SHANK2: variants seen among roughly 807,000 people sequenced by gnomAD.
SHANK2 encodes SH3 and multiple ankyrin repeat domains 2.
SHANK2 carries 43 observed loss-of-function variants against 133.7 expected under a neutral mutation model. The observed-to-expected ratio is 0.32, with a 90% CI of 0.25 to 0.41. The LOEUF (loss-of-function observed/expected upper bound fraction) is 0.41, where lower values mean the gene tolerates loss of function less well. Ranked by LOEUF, SHANK2 falls within the 10% of genes least tolerant of loss-of-function variation. The pLI is 1.00. For synonymous variants in SHANK2, 1,017 were observed against 952.8 expected, an observed-to-expected ratio of 1.07 and a Z score of -1.24; for missense variants, 1,994 against 2,235.8, an observed-to-expected ratio of 0.89 and a Z score of 2.18.
At chr11:70,714,874 T>C (rs1034140570) in intron 14 of SHANK2, among the ~76,000 whole-genome samples, 2 of 152,012 alleles carry the variant, frequency 1.3e-5, no homozygotes, top group African/African-American at 2.4e-5. Flanking sequence ...AGTGCAATCA[T>C]AGCTCACTGC....
chr11:70,787,740 C>A (rs1244308661), intron 14 of SHANK2, among the ~76,000 whole-genome samples: 4 of 152,188 alleles, frequency 2.6e-5, no homozygotes, highest in African/African-American at 9.6e-5. Context: ...GTCCCTGACT[C>A]CAAGGCCACA....
intron 9 of SHANK2, among the ~76,000 whole-genome samples, chr11:71,066,614 C>T (rs1951067060): frequency 6.6e-6 from 1 of 152,188 alleles, no homozygotes; most frequent in Non-Finnish European, 1.5e-5. Context: ...GGCACTGAGG[C>T]TGTCTTCACT....
intron 11 of SHANK2, among the ~76,000 whole-genome samples, chr11:70,847,707 G>C (rs1476912289): frequency 6.6e-6 from 1 of 152,182 alleles, no homozygotes; most frequent in Admixed American, 6.5e-5. Context: ...CACAAGCAGA[G>C]TCTACCACGC....
intron 17 of SHANK2, among the ~76,000 whole-genome samples, chr11:70,523,059 C>T (rs191971402): frequency 2.0e-5 from 3 of 152,322 alleles, no homozygotes; most frequent in East Asian, 1.9e-4. Context: ...CCCACAGGCC[C>T]ACACCTGCAA....
intron 14 of SHANK2, among the ~76,000 whole-genome samples, chr11:70,720,393 A>G (rs1946050017): frequency 6.6e-6 from 1 of 152,228 alleles, no homozygotes; most frequent in African/African-American, 2.4e-5. Context: ...CTGCTCCCTG[A>G]TGCCATGGGT....
At position 71,175,563 on chromosome 11, in the gene SHANK2, A is replaced by G. The variant is rs868944174; in HGVS notation, c.-12-28225T>C. On this transcript the variant is annotated intron_variant, in intron 2 of 25. Transcript: ENST00000601538. The surrounding 1 kb of genome is among the most constrained non-coding windows in gnomAD (Gnocchi z 4.2). ...GGGAGAGGGAGAGGGAGAGAGAGAG[A>G]GAGAGAGAGAGAGAGAGAGAGAGAG... is the stretch of plus-strand genomic sequence containing the variant. Among the ~76,000 whole-genome samples, 17 of 86,124 alleles carry G rather than the reference A, an allele frequency of 2.0e-4. No homozygotes were observed. The highest frequency in any genetic ancestry group is 4.5e-4 in the South Asian group (1 of 2,198). The allele number at this position is 86,124 out of a possible 152,430, so 56.5% of individuals were successfully genotyped here. A position where few individuals can be genotyped will look rare whatever the true frequency, so the allele number is the denominator to read the frequency against.
intron 12 of SHANK2, among the ~76,000 whole-genome samples, chr11:70,811,907 T>C (rs782320601): frequency 5.9e-5 from 9 of 152,216 alleles, no homozygotes; most frequent in Non-Finnish European, 1.2e-4. Context: ...TACCCAAAGT[T>C]CAGAAAGATC....
chr11:71,165,037 A>G (rs536762147), intron 2 of SHANK2, among the ~76,000 whole-genome samples: 2 of 143,104 alleles, frequency 1.4e-5, no homozygotes, highest in South Asian at 2.2e-4. Flanking sequence ...TCTTGTCTTC[A>G]TTTTTTTTTT....
At chr11:70,718,994 T>G (rs1946015633) in intron 14 of SHANK2, among the ~76,000 whole-genome samples, 1 of 152,138 alleles carries the variant, frequency 6.6e-6, no homozygotes, top group African/African-American at 2.4e-5. Context: ...ATCAGGGTCA[T>G]GAGAATACAA....
intron 17 of SHANK2, among the ~76,000 whole-genome samples, chr11:70,617,456 G>C (rs1215678639): frequency 6.6e-6 from 1 of 151,138 alleles, no homozygotes; most frequent in Non-Finnish European, 1.5e-5. Context: ...AAAGAAACGC[G>C]AGGAACGGAG....
chr11:70,696,279 C>T (rs952475247), intron 15 of SHANK2, among the ~76,000 whole-genome samples: 2 of 152,188 alleles, frequency 1.3e-5, no homozygotes, highest in African/African-American at 2.4e-5. Flanking sequence ...CTGCTGTTAG[C>T]CATGTGTCAC....
Position 70,807,050 on chromosome 11 carries a change from G to T in SHANK2, c.1615C>A (p.Pro539Thr). The T allele has an allele frequency of 1.4e-6, 1 of 718,194 alleles. No homozygotes were observed. Among genetic ancestry groups the T allele is most frequent in the Non-Finnish European group, 2.6e-6 (1 of 385,014 alleles). 44.5% of individuals were successfully genotyped at this position (718,194 alleles called of 1,614,324 possible). The change falls in exon 13 of 26, where the codon CCC becomes ACC. Residue 539 changes from proline (P) to threonine (T), a missense_variant. This residue lies in a region of SHANK2 where 653 missense variants were observed against 563.4 expected (regional missense o/e 1.16). Transcript: ENST00000601538. The surrounding 1 kb of genome is among the most constrained non-coding windows in gnomAD (Gnocchi z 4.8). ...RLFVAVKPYQPQVDGEIPLHR... is the reference protein window; with the variant it reads ...RLFVAVKPYQTQVDGEIPLHR... ...AGGGGGATCTCGCCGTCCACTTGGG[G>T]TTGGTATGGCTTGACAGCGACGAAG...
At chr11:71,212,817 T>G (rs2135696401) in intron 2 of SHANK2, among the ~76,000 whole-genome samples, 1 of 152,224 alleles carries the variant, frequency 6.6e-6, no homozygotes, top group South Asian at 2.1e-4. Context: ...GAGGTTTCTT[T>G]CCCCATTTCC....
chr11:70,758,547 C>T (rs1946922605), intron 14 of SHANK2, among the ~76,000 whole-genome samples: 1 of 152,222 alleles, frequency 6.6e-6, no homozygotes, highest in Non-Finnish European at 1.5e-5. Flanking sequence ...ACACTGACTG[C>T]ATGGCCCAGG....
Position 70,487,042 on chromosome 11 carries a change from C to G in SHANK2, c.3251G>C (p.Gly1084Ala). The change falls in exon 25 of 26, where the codon GGA becomes GCA. Residue 1084 changes from glycine (G) to alanine (A), a missense_variant. By Grantham distance (60) the Gly-to-Ala change is moderately conservative. Coordinates refer to ENST00000601538, the MANE Select transcript of SHANK2 (RefSeq NM_012309.5). The surrounding 1 kb of genome is among the most constrained non-coding windows in gnomAD (Gnocchi z 5.8). ...VSSPFAAAIA[G>A]AVRDREKRLE... ...CCGCTTCTCACGGTCGCGGACGGCT[C>G]CGGCGATGGCGGCGGCAAAGGGGCT... 6.2e-7 allele frequency: 1 copy of G among 1,608,920 alleles called. No individual in the cohort carries two copies.
rs74413870 is a variant in SHANK2, at chr11:70,546,126, T to TG, written c.2062-43196dup. Among the ~76,000 whole-genome samples, 140 of 142,826 alleles carry TG rather than the reference T, an allele frequency of 9.8e-4. 2 individuals are homozygous for TG. The highest frequency in any genetic ancestry group is 3.5e-3 in the African/African-American group (129 of 36,946). The allele number at this position is 142,826 out of a possible 152,430, so 93.7% of individuals were successfully genotyped here. On this transcript the variant is annotated intron_variant, in intron 17 of 25. Coordinates refer to ENST00000601538, the MANE Select transcript of SHANK2 (RefSeq NM_012309.5). ...TTTTTTTTTTTTTTTTTTGTAGAGA[T>TG]GGGGGTCACACTATGCTGCTTAGGC... is the stretch of plus-strand genomic sequence containing the variant.
chr11:71,113,854 C>T (rs184791382), intron 4 of SHANK2, among the ~76,000 whole-genome samples: 13 of 152,352 alleles, frequency 8.5e-5, no homozygotes, highest in Admixed American at 6.5e-5. Context: ...CTGCCCAGAT[C>T]GCTGAAGCCA....
chr11:70,853,300 C>G (rs1949118029), intron 11 of SHANK2, among the ~76,000 whole-genome samples: 1 of 152,226 alleles, frequency 6.6e-6, no homozygotes, highest in African/African-American at 2.4e-5. Flanking sequence ...CTCCCACGGG[C>G]CCTGGAGCTC....
intron 11 of SHANK2, among the ~76,000 whole-genome samples, chr11:70,877,385 G>A (rs1949585366): frequency 2.0e-5 from 3 of 152,176 alleles, no homozygotes; most frequent in African/African-American, 4.8e-5. Flanking sequence ...TGGGTCTGCC[G>A]GCATACGTCG....
Sources: allele counts gnomAD v4.1 joint callset (sites outside exome capture counted in the v4.1 genomes callset), GRCh38; gene constraint gnomAD v4.1.1; regional missense constraint gnomAD v4.1.1; non-coding constraint Gnocchi (gnomAD v3.1); transcripts MANE v1.5; gene names NCBI Gene and HGNC (gene_info 2026-07-23, HGNC 2026-07-21).